The following PSMA5 variants were observed in gnomAD, a reference collection of about 807,000 sequenced individuals.
PSMA5 encodes proteasome 20S subunit alpha 5.
Under a neutral mutation model 34.5 loss-of-function variants are expected in PSMA5, and 3 were observed. The ratio of observed to expected loss-of-function variants is 0.09; its 90% confidence interval spans 0.04 to 0.22. The LOEUF is 0.22. Ranked by LOEUF, PSMA5 falls within the 10% of genes least tolerant of loss-of-function variation. PSMA5 has a pLI of 1.00. For missense variants in PSMA5, 120 were observed against 286.1 expected (o/e 0.42, Z 4.19); for synonymous variants, 88 against 95.8 (o/e 0.92, Z 0.47).
rs1208804916 is a variant in PSMA5, at chr1:109,417,125, T to C, written c.97-1762A>G. On this transcript the variant is annotated intron_variant, in intron 2 of 8. Transcript: ENST00000271308. ...ATCTCAAAAAATAAATAAATAAAAA[T>C]GAATGCTCATATTTCTAGTTAAAGG... is the stretch of plus-strand genomic sequence containing the variant. Among the ~76,000 whole-genome samples the C allele has an allele frequency of 3.9e-5, 6 of 152,114 alleles. No individual in the cohort carries two copies. In the East Asian group the frequency reaches 1.2e-3, roughly 29 times the overall value.
chr1:109,410,934 T>C, intron 7 of PSMA5, 77 bp downstream of exon 7: 1 of 1,126,096 alleles, frequency 8.9e-7, no homozygotes. Context: ...ACTGAACTCT[T>C]AAGGTTTGCA....
intron 8 of PSMA5, among the ~76,000 whole-genome samples, chr1:109,402,785 A>C (rs1270741377): frequency 1.3e-5 from 2 of 152,132 alleles, no homozygotes; most frequent in African/African-American, 4.8e-5. Context: ...GGCTCACCGC[A>C]ACCTCCGCCT....
At chr1:109,405,641 T>C (rs1653726714) in intron 8 of PSMA5, among the ~76,000 whole-genome samples, 1 of 152,140 alleles carries the variant, frequency 6.6e-6, no homozygotes, top group South Asian at 2.1e-4. Flanking sequence ...GGTTTCACCA[T>C]ATTGGCCTGG....
chr1:109,406,117 GTCAAATCTGAGGTGAATCCT>G (rs1332861132), intron 8 of PSMA5, among the ~76,000 whole-genome samples: 1 of 152,184 alleles, frequency 6.6e-6, no homozygotes, highest in East Asian at 1.9e-4. Context: ...TTTTAGAACT[GTCAAATCTGAGGTGAATCCT>G]TCAAAAAAGT....
chr1:109,421,104 T>C (rs1571030821), intron 2 of PSMA5, among the ~76,000 whole-genome samples: 1 of 151,950 alleles, frequency 6.6e-6, no homozygotes, highest in East Asian at 1.9e-4. Context: ...GGAGGAAAGC[T>C]TGAGCCCAGG....
chr1:109,424,822 A>C (rs1571035426), intron 1 of PSMA5, among the ~76,000 whole-genome samples: 1 of 152,178 alleles, frequency 6.6e-6, no homozygotes, highest in Non-Finnish European at 1.5e-5. Flanking sequence ...CCCTGTCTCT[A>C]CTAAAAATAC....
intron 2 of PSMA5, among the ~76,000 whole-genome samples, chr1:109,415,651 G>T (rs1553204958): frequency 6.6e-6 from 1 of 151,688 alleles, no homozygotes; most frequent in Non-Finnish European, 1.5e-5. Flanking sequence ...GTAATTCCCA[G>T]AACCCCAAAA....
intron 8 of PSMA5, among the ~76,000 whole-genome samples, chr1:109,406,147 T>C (rs1467754651): frequency 6.6e-6 from 1 of 152,178 alleles, no homozygotes; most frequent in Non-Finnish European, 1.5e-5. Flanking sequence ...TTCAAAAAAG[T>C]CAAATGATAG....
intron 3 of PSMA5, among the ~76,000 whole-genome samples, chr1:109,413,533 A>G (rs1654081680): frequency 6.6e-6 from 1 of 152,342 alleles, no homozygotes; most frequent in South Asian, 2.1e-4. Flanking sequence ...ACTACAGTGG[A>G]GGACTCTCGA....
chr1:109,402,648 G>C (rs1653578792), intron 8 of PSMA5, among the ~76,000 whole-genome samples: 2 of 152,106 alleles, frequency 1.3e-5, no homozygotes, highest in Non-Finnish European at 2.9e-5. Context: ...ACTATTGTCA[G>C]GTATTTTCTC....
At chr1:109,422,657 G>C (rs961266999) in intron 1 of PSMA5, among the ~76,000 whole-genome samples, 4 of 152,060 alleles carry the variant, frequency 2.6e-5, no homozygotes, top group African/African-American at 7.2e-5. Context: ...ATTTTTAGTA[G>C]AGATGGGGTT....
intron 1 of PSMA5, chr1:109,426,092 C>T: frequency 1.6e-6 from 1 of 638,588 alleles, no homozygotes; most frequent in Non-Finnish European, 2.8e-6. Context: ...GAGTTAGGAC[C>T]CAGGGGTGAC....
rs565022560 is a variant in PSMA5 at position 109,424,860 on chromosome 1, G to A, written c.29+1442C>T. Among the ~76,000 whole-genome samples, 9 of 152,280 alleles carry A rather than the reference G, an allele frequency of 5.9e-5. No homozygotes were observed. The East Asian group carries it at 1.2e-3, about 20-fold the overall frequency. On this transcript the variant is annotated intron_variant, in intron 1 of 8. Coordinates refer to ENST00000271308, the MANE Select transcript of PSMA5 (RefSeq NM_002790.4). ...AAATTAGCTGGGAGTGGTGGCGCGCGCCTGTAGTCCCAGCTACTCGGGAGG... is the reference window on the plus strand; with the variant it reads ...AAATTAGCTGGGAGTGGTGGCGCGCACCTGTAGTCCCAGCTACTCGGGAGG...
intron 3 of PSMA5, among the ~76,000 whole-genome samples, chr1:109,413,951 G>A (rs1172788192): frequency 6.6e-6 from 1 of 152,100 alleles, no homozygotes; most frequent in Non-Finnish European, 1.5e-5. Context: ...GCCCTCTTTA[G>A]TCTATCTTTA....
rs143159595 is a variant in PSMA5 at position 109,411,065 on chromosome 1, T to C, written c.507A>G (p.Ala169=). ...SGTFVQCDAR[A]IGSASEGAQS... is the part of the protein sequence containing the mutation. Reference sequence around the variant, plus strand: ...GGGCACCCTCTGAAGCAGAGCCAATTGCTCGAGCATCACACTGTACAAAGG... The same window carrying C: ...GGGCACCCTCTGAAGCAGAGCCAATCGCTCGAGCATCACACTGTACAAAGG... The change falls in exon 7 of 9, where the codon GCA becomes GCG. Residue 169 remains alanine, a synonymous_variant. Coordinates refer to ENST00000271308, the MANE Select transcript of PSMA5 (RefSeq NM_002790.4). 139 of 1,613,774 alleles carry C rather than the reference T, an allele frequency of 8.6e-5. No homozygotes were observed. The African/African-American group carries it at 1.7e-3, about 19-fold the overall frequency.
At position 109,413,499 on chromosome 1, in the gene PSMA5, G is replaced by A. The variant is rs1174212378; in HGVS notation, c.224-364C>T. On this transcript the variant is annotated intron_variant, in intron 3 of 8. Transcript: ENST00000271308. ...CTAATGCCCCAACCTGGGAAACAAGGAAAAGAAAATCACCTCACTATGGAC... is the reference window on the plus strand; with the variant it reads ...CTAATGCCCCAACCTGGGAAACAAGAAAAAGAAAATCACCTCACTATGGAC... Among the ~76,000 whole-genome samples, 3 of 152,152 alleles carry A rather than the reference G, an allele frequency of 2.0e-5. No homozygotes were observed. In the South Asian group the frequency reaches 6.2e-4, roughly 31 times the overall value.
At chr1:109,419,154 A>AAAAT (rs375013436) in intron 2 of PSMA5, among the ~76,000 whole-genome samples, 126 of 152,286 alleles carry the variant, frequency 8.3e-4, no homozygotes, top group African/African-American at 2.7e-3. Flanking sequence ...ACTCCACCTC[A>AAAAT]AAATAAATAA....
At chr1:109,419,593 A>C (rs1392411193) in intron 2 of PSMA5, among the ~76,000 whole-genome samples, 2 of 152,082 alleles carry the variant, frequency 1.3e-5, no homozygotes, top group Non-Finnish European at 2.9e-5. Flanking sequence ...TCACAGGGTC[A>C]GGAGTTCGAG....
Position 109,415,495 on chromosome 1 carries a change from G to A in PSMA5, c.97-132C>T. 2.4e-6 allele frequency: 2 copies of A among 836,746 alleles called. 1 individual carries two copies. 51.8% of individuals were successfully genotyped at this position (836,746 alleles called of 1,614,324 possible). On this transcript the variant is annotated intron_variant, in intron 2 of 8. Coordinates refer to ENST00000271308, the MANE Select transcript of PSMA5 (RefSeq NM_002790.4). ...CACATCTTATAGGCAGAGAGAAGGA[G>A]CACCCTAACATACTGTAAGTAATTA...
Sources: allele counts gnomAD v4.1 joint callset (sites outside exome capture counted in the v4.1 genomes callset), GRCh38; gene constraint gnomAD v4.1.1; transcripts MANE v1.5; gene names NCBI Gene and HGNC (gene_info 2026-07-23, HGNC 2026-07-21).